Variants in HACL1 observed in about 807,000 individuals in gnomAD.
The protein encoded by HACL1 is 1600020H07Rik.
Under a neutral mutation model 74.2 loss-of-function variants are expected in HACL1, and 64 were observed. That is an observed-to-expected ratio of 0.86 (90% CI 0.70 to 1.06). HACL1 has a LOEUF of 1.06. Among genes scored for constraint, HACL1 ranks in the 50% least tolerant of loss-of-function variants. The pLI is 0.00. For synonymous variants in HACL1, 230 were observed against 238.8 expected (o/e 0.96, Z 0.34); for missense variants, 728 against 719.7 (o/e 1.01, Z -0.13).
intron 14 of HACL1, among the ~76,000 whole-genome samples, chr3:15,566,948 T>C (rs940693817): frequency 6.0e-5 from 9 of 150,342 alleles, no homozygotes; most frequent in South Asian, 2.1e-4. Flanking sequence ...GCCTCCCAAA[T>C]AGCTGGGACT....
chr3:15,599,529 A>G (rs1052793539), intron 2 of HACL1, among the ~76,000 whole-genome samples: 17 of 151,928 alleles, frequency 1.1e-4, no homozygotes, highest in African/African-American at 4.1e-4. Flanking sequence ...AAAAAAATTC[A>G]AACTCTTTTT....
chr3:15,589,932 G>A (rs2063859902), intron 4 of HACL1, among the ~76,000 whole-genome samples: 1 of 152,110 alleles, frequency 6.6e-6, no homozygotes, highest in African/African-American at 2.4e-5. Context: ...CTACTTGGGA[G>A]GCTGAGGTAG....
intron 9 of HACL1, among the ~76,000 whole-genome samples, chr3:15,577,970 C>T (rs1350059292): frequency 4.6e-5 from 7 of 151,468 alleles, no homozygotes; most frequent in African/African-American, 1.5e-4. Flanking sequence ...TGGTGGCAGG[C>T]GCCTGTAGTC....
chr3:15,571,838 T>A, intron 11 of HACL1, 69 bp from the exon 12 acceptor site: 3 of 604,662 alleles, frequency 5.0e-6, no homozygotes, highest in Non-Finnish European at 8.2e-6. Flanking sequence ...TCTTTTTTTT[T>A]TTTTTTTTTT....
At chr3:15,591,745 T>G (rs1464975118) in intron 3 of HACL1, 65 bp from the exon 4 acceptor site, 1 of 1,018,562 alleles carries the variant, frequency 9.8e-7, no homozygotes, top group African/African-American at 1.6e-5. Context: ...AACACTTTAG[T>G]GTGAAACATG....
chr3:15,592,571 T>C (rs199634582), intron 3 of HACL1, among the ~76,000 whole-genome samples: 472 of 141,688 alleles, frequency 3.3e-3, no homozygotes, highest in African/African-American at 0.011. Context: ...TATACACATG[T>C]ACGCACATGT....
Position 15,571,665 on chromosome 3 carries a change from T to C in HACL1, c.1095+3A>G. The stretch of plus-strand genomic sequence containing the variant: ...TATTGAGCGTCAGTAGGTCCGATTT[T>C]ACCTTGGATGCAGCTTCATTGCTCT... On this transcript the variant is annotated splice_donor_region_variant and intron_variant, in intron 12 of 16. Transcript: ENST00000321169. 7.7e-7 allele frequency: 1 copy of C among 1,307,000 alleles called. No individual in the cohort carries two copies. Among genetic ancestry groups the C allele is most frequent in the South Asian group, 1.2e-5 (1 of 84,766 alleles). 81.0% of individuals were successfully genotyped at this position (1,307,000 alleles called of 1,614,324 possible).
chr3:15,574,934 G>T, intron 10 of HACL1, 43 bp downstream of exon 10: 1 of 872,780 alleles, frequency 1.1e-6, no homozygotes, highest in Non-Finnish European at 1.9e-6. Context: ...GGAGAATAAT[G>T]AACATAGACA....
intron 16 of HACL1, among the ~76,000 whole-genome samples, chr3:15,561,236 T>C (rs1163662890): frequency 6.6e-6 from 1 of 152,194 alleles, no homozygotes; most frequent in African/African-American, 2.4e-5. Flanking sequence ...TCTGAGGACA[T>C]GAGTAGGAAG....
intron 16 of HACL1, 140 bp downstream of exon 16, chr3:15,563,218 T>A (rs1248177059): frequency 6.4e-6 from 4 of 623,782 alleles, no homozygotes; most frequent in Non-Finnish European, 5.7e-6. Context: ...ACTGAACAAG[T>A]ACATGAAACT....
At position 15,571,771 on chromosome 3, in the gene HACL1, T is replaced by TGAA; in HGVS notation, c.994-3_994-2insTTC. 1.0e-6 allele frequency: 1 copy of TGAA among 982,932 alleles called. No individual in the cohort carries two copies. Among genetic ancestry groups the TGAA allele is most frequent in the East Asian group, 3.8e-5 (1 of 26,362 alleles). The allele number at this position is 982,932 out of a possible 1,614,324, so 60.9% of individuals were successfully genotyped here. A position where few individuals can be genotyped will look rare whatever the true frequency, so the allele number is the denominator to read the frequency against. ...TGTTTTATCAAGTTCCTCTAAAAGC[T>TGAA]TAAAAAAAAAAAAACACACACACAC... On this transcript the variant is annotated splice_region_variant and splice_polypyrimidine_tract_variant and intron_variant, in intron 11 of 16. Coordinates refer to ENST00000321169, the MANE Select transcript of HACL1 (RefSeq NM_012260.4).
chr3:15,592,055 C>G (rs560933738), intron 3 of HACL1, among the ~76,000 whole-genome samples: 2 of 27,704 alleles, frequency 7.2e-5, no homozygotes, highest in Non-Finnish European at 1.3e-4. Flanking sequence ...ACACTATATA[C>G]GTATATATAC....
intron 10 of HACL1, among the ~76,000 whole-genome samples, chr3:15,573,599 T>C (rs2063573704): frequency 6.6e-6 from 1 of 152,216 alleles, no homozygotes; most frequent in Non-Finnish European, 1.5e-5. Flanking sequence ...TTCTCAAATA[T>C]AAGCATATAT....
Position 15,564,316 on chromosome 3 carries a change from T to G in HACL1, c.1517+235A>C, listed in dbSNP as rs118177922. ...CCTTTTCATTAACAAGGCTCAGACATCACACTCATTTATCTGAGTCTTCAG... is the reference window on the plus strand; with the variant it reads ...CCTTTTCATTAACAAGGCTCAGACAGCACACTCATTTATCTGAGTCTTCAG... On this transcript the variant is annotated intron_variant, in intron 15 of 16. Coordinates refer to ENST00000321169, the MANE Select transcript of HACL1 (RefSeq NM_012260.4). Among the ~76,000 whole-genome samples the G allele has an allele frequency of 5.5e-4, 84 of 152,344 alleles. 2 individuals are homozygous for G. The East Asian group carries it at 7.1e-3, about 13-fold the overall frequency.
chr3:15,588,010 C>T (rs933634285), intron 5 of HACL1, among the ~76,000 whole-genome samples: 29 of 152,238 alleles, frequency 1.9e-4, no homozygotes, highest in African/African-American at 6.7e-4. Context: ...TCTCCTGCCT[C>T]AGCCTCCCAA....
Position 15,563,468 on chromosome 3 carries a change from C to A in HACL1, c.1594G>T (p.Val532Leu), listed in dbSNP as rs1283215812. 6.2e-7 allele frequency: 1 copy of A among 1,610,684 alleles called. No homozygotes were observed. The highest frequency in any genetic ancestry group is 1.3e-5 in the African/African-American group (1 of 74,822). Residue 532 changes from valine (V) to leucine (L), a missense_variant, in exon 16 of 17, where the codon GTA becomes TTA. By Grantham distance (32) the Val-to-Leu change is conservative (BLOSUM62 1). Coordinates refer to ENST00000321169, the MANE Select transcript of HACL1 (RefSeq NM_012260.4). ...TTTTGGAGTTCTTCTGGTGTTTGTA[C>A]AAAATACCCTTTGCCTCCAAATGCA... ...MTAFGGKGYF[V>L]QTPEELQKSL...
intron 12 of HACL1, among the ~76,000 whole-genome samples, chr3:15,569,560 G>T (rs879651167): frequency 6.6e-6 from 1 of 152,110 alleles, no homozygotes; most frequent in East Asian, 1.9e-4. Context: ...GGTGGCTCAC[G>T]CCTGTAATCC....
chr3:15,601,216 A>T, intron 1 of HACL1, 22 bp from the exon 2 acceptor site: 1 of 1,583,054 alleles, frequency 6.3e-7, no homozygotes. Context: ...AGAACAGGGG[A>T]GTAAACTCCC....
At chr3:15,574,411 C>T (rs1192919984) in intron 10 of HACL1, among the ~76,000 whole-genome samples, 3 of 152,064 alleles carry the variant, frequency 2.0e-5, no homozygotes, top group Admixed American at 6.6e-5. Context: ...GGGGCGAATC[C>T]GTGTAGGGCA....
Sources: allele counts gnomAD v4.1 joint callset (sites outside exome capture counted in the v4.1 genomes callset), GRCh38; gene constraint gnomAD v4.1.1; transcripts MANE v1.5; gene names NCBI Gene and HGNC (gene_info 2026-07-23, HGNC 2026-07-21).